The following COL6A6 variants were observed in gnomAD, a reference collection of about 807,000 sequenced individuals.
COL6A6 encodes the protein collagen type VI alpha 6 chain.
In COL6A6, 183 loss-of-function variants were observed where a neutral mutation model predicts 208.6. The ratio of observed to expected loss-of-function variants is 0.88; its 90% CI spans 0.78 to 0.99. COL6A6 has a LOEUF of 0.99. Ranked by LOEUF, COL6A6 falls within the 50% of genes least tolerant of loss-of-function variation. COL6A6 has a pLI of 0.00. For synonymous variants in COL6A6, 973 were observed against 1,011.8 expected (o/e 0.96, Z 0.73); for missense variants, 2,816 against 2,815.2 (o/e 1.00, Z -0.01).
rs769993561 is a variant in COL6A6, at chr3:130,565,035, G to A, written c.703G>A (p.Asp235Asn). The change falls in exon 4 of 37, where the codon GAT becomes AAT. Residue 235 changes from aspartate to asparagine, a missense_variant. Coordinates refer to ENST00000358511, the MANE Select transcript of COL6A6 (RefSeq NM_001102608.3). ...TATGGCCGATGTTGTGTTCCTATTGGATATGTCAATCAATGGAAGTGAGGA... is the reference window on the plus strand; with the variant it reads ...TATGGCCGATGTTGTGTTCCTATTGAATATGTCAATCAATGGAAGTGAGGA... ...PSMADVVFLLDMSINGSEENF... is the reference protein window; with the variant it reads ...PSMADVVFLLNMSINGSEENF... The A allele has an allele frequency of 1.2e-5, 19 of 1,613,852 alleles. No homozygotes were observed. The Middle Eastern group carries it at 4.9e-4, about 42-fold the overall frequency.
chr3:130,538,525 A>C lies in COL6A6; in HGVS notation c.-32+21128A>C, dbSNP rs201352190. On this transcript the variant is annotated intron_variant, in intron 1 of 36. Coordinates refer to ENST00000358511, the MANE Select transcript of COL6A6 (RefSeq NM_001102608.3). ...AGATACTGTGCCAACTCGTTTACAC[A>C]CATCAGTTCATTTAACCCCCAAAAC... Among the ~76,000 whole-genome samples, 9 of 152,248 alleles carry C rather than the reference A, an allele frequency of 5.9e-5. No homozygotes were observed. The East Asian group carries it at 1.7e-3, about 29-fold the overall frequency.
chr3:130,612,247 C>T (rs1483227310), intron 23 of COL6A6, among the ~76,000 whole-genome samples: 3 of 152,132 alleles, frequency 2.0e-5, no homozygotes, highest in African/African-American at 7.2e-5. Context: ...TGAATGTACA[C>T]ATGCATGTGT....
intron 32 of COL6A6, 93 bp from the exon 33 acceptor site, chr3:130,648,976 T>C: frequency 9.6e-7 from 1 of 1,046,428 alleles, no homozygotes; most frequent in East Asian, 2.7e-5. Flanking sequence ...TTTAAGTATT[T>C]GAATGCTTAA....
In COL6A6 at chr3:130,619,377, G is replaced by A. The variant is rs564395917; in HGVS notation, c.4816-2444G>A. On this transcript the variant is annotated intron_variant, in intron 23 of 36. Transcript: ENST00000358511. ...GACCAGCTGAGGGAAAAATTTGCAT[G>A]AGTGTGGAGACGTAAGACAAACATT... Among the ~76,000 whole-genome samples, 12 of 152,302 alleles carry A rather than the reference G, an allele frequency of 7.9e-5. 1 individual carries two copies. The highest frequency in any genetic ancestry group is 7.2e-4 in the Admixed American group (11 of 15,292).
Position 130,517,235 on chromosome 3 carries a change from C to T in COL6A6, c.-194C>T, listed in dbSNP as rs538199912. Among the ~76,000 whole-genome samples the T allele has an allele frequency of 2.6e-5, 4 of 152,326 alleles. No homozygotes were observed. Among genetic ancestry groups the T allele is most frequent in the Admixed American group, 1.3e-4 (2 of 15,312 alleles). Reference sequence around the variant, plus strand: ...GAGGCTGCCCACGCCGCTGCCTGTCCGTTCCACGGTTCCGAGGTCTCCACC... The same window carrying T: ...GAGGCTGCCCACGCCGCTGCCTGTCTGTTCCACGGTTCCGAGGTCTCCACC... On this transcript the variant is annotated 5_prime_UTR_variant, in exon 1 of 37. Coordinates refer to ENST00000358511, the MANE Select transcript of COL6A6 (RefSeq NM_001102608.3).
chr3:130,656,961 A>C (rs745580020), intron 33 of COL6A6, among the ~76,000 whole-genome samples: 53 of 152,340 alleles, frequency 3.5e-4, no homozygotes, highest in Non-Finnish European at 6.8e-4. Context: ...AGGCATTTCG[A>C]GCTGGTAGGG....
At position 130,568,104 on chromosome 3, in the gene COL6A6, G is replaced by T. The variant is rs748449745; in HGVS notation, c.1901G>T (p.Gly634Val). ...CTGGTGGACAGTTCTGGAAGTATAG[G>T]ACCTGAAAACTTCAGCAAAATGAAA... is the stretch of plus-strand genomic sequence containing the variant. ...MFLVDSSGSI[G>V]PENFSKMKTF... The change falls in exon 6 of 37, where the codon GGA (glycine) becomes GTA (valine). Residue 634 changes from glycine (G) to valine (V), a missense_variant. Coordinates refer to ENST00000358511, the MANE Select transcript of COL6A6 (RefSeq NM_001102608.3). The T allele has an allele frequency of 2.5e-6, 4 of 1,613,848 alleles. No individual in the cohort carries two copies. In the African/African-American group the frequency reaches 5.3e-5, roughly 22 times the overall value.
At chr3:130,657,632 G>C (rs2065829572) in intron 33 of COL6A6, among the ~76,000 whole-genome samples, 1 of 152,216 alleles carries the variant, frequency 6.6e-6, no homozygotes, top group Non-Finnish European at 1.5e-5. Flanking sequence ...TACGTACTAA[G>C]TTAGGTTGCA....
intron 10 of COL6A6, among the ~76,000 whole-genome samples, chr3:130,584,057 T>C (rs1413133760): frequency 2.6e-5 from 4 of 152,178 alleles, no homozygotes; most frequent in Non-Finnish European, 5.9e-5. Context: ...TAGAATTGAA[T>C]ACCCTAGAAT....
At chr3:130,621,544 T>A (rs1388944266) in intron 23 of COL6A6, among the ~76,000 whole-genome samples, 1 of 152,216 alleles carries the variant, frequency 6.6e-6, no homozygotes, top group East Asian at 1.9e-4. Flanking sequence ...TTTAACAACA[T>A]CTGTTCTTAG....
chr3:130,609,644 C>CT (rs566500425), intron 22 of COL6A6, among the ~76,000 whole-genome samples: 19 of 150,438 alleles, frequency 1.3e-4, no homozygotes, highest in South Asian at 1.1e-3. Context: ...AAAGTTAGAA[C>CT]TTTTTTTTTT....
intron 1 of COL6A6, among the ~76,000 whole-genome samples, chr3:130,538,963 T>G (rs1362189564): frequency 6.6e-6 from 1 of 152,198 alleles, no homozygotes; most frequent in Non-Finnish European, 1.5e-5. Context: ...AATAGTAAGT[T>G]AAATTATTAC....
Position 130,592,593 on chromosome 3 carries a change from A to G in COL6A6, c.4325A>G (p.Tyr1442Cys), listed in dbSNP as rs1274453054. Residue 1442 changes from tyrosine (Y) to cysteine (C), a missense_variant, in exon 14 of 37, where the codon TAT becomes TGT. Tyr to Cys is a radical substitution (Grantham distance 194). Coordinates refer to ENST00000358511, the MANE Select transcript of COL6A6 (RefSeq NM_001102608.3). ...GGAGAGCAAGGTACTAAGGGATGCT[A>G]TGGCACCAAAGGTCCTAAGGTAAGG... The part of the protein sequence containing the change: ...PVGEQGTKGC[Y>C]GTKGPKGNRG... 2.5e-6 allele frequency: 4 copies of G among 1,613,358 alleles called. No homozygotes were observed. The highest frequency in any genetic ancestry group is 1.1e-5 in the South Asian group (1 of 91,010).
At chr3:130,604,149 C>T (rs2064108594) in intron 20 of COL6A6, among the ~76,000 whole-genome samples, 1 of 152,192 alleles carries the variant, frequency 6.6e-6, no homozygotes, top group Non-Finnish European at 1.5e-5. Context: ...TTTTCTGTCT[C>T]TCACAGCAAC....
intron 1 of COL6A6, among the ~76,000 whole-genome samples, chr3:130,538,276 T>G (rs999247340): frequency 6.6e-6 from 1 of 152,122 alleles, no homozygotes; most frequent in Non-Finnish European, 1.5e-5. Flanking sequence ...TGAAAAGACT[T>G]GGAAATCTGC....
intron 24 of COL6A6, among the ~76,000 whole-genome samples, chr3:130,623,654 T>C (rs1456144455): frequency 6.6e-6 from 1 of 152,078 alleles, no homozygotes; most frequent in Non-Finnish European, 1.5e-5. Flanking sequence ...GCTTCGTGTA[T>C]GAGGGGTAAC....
At chr3:130,556,767 T>C (rs972387428) in intron 1 of COL6A6, among the ~76,000 whole-genome samples, 1 of 152,174 alleles carries the variant, frequency 6.6e-6, no homozygotes, top group African/African-American at 2.4e-5. Flanking sequence ...CTGAAGTTCA[T>C]GTAGATGGGT....
chr3:130,564,532 T>G (rs1304800123), intron 3 of COL6A6, among the ~76,000 whole-genome samples: 1 of 152,210 alleles, frequency 6.6e-6, no homozygotes, highest in Non-Finnish European at 1.5e-5. Context: ...GGGTCATCTG[T>G]GAAACTATGA....
chr3:130,644,102 G>T (rs145973738), intron 31 of COL6A6, among the ~76,000 whole-genome samples: 291 of 152,300 alleles, frequency 1.9e-3, no homozygotes, highest in African/African-American at 6.6e-3. Flanking sequence ...CTAAAAGTGG[G>T]TGCAAAGGTA....
Sources: gnomAD v4.1 joint callset for allele counts (sites outside exome capture counted in the v4.1 genomes callset) on GRCh38, gnomAD v4.1.1 for gene constraint, MANE v1.5 for transcripts, NCBI Gene and HGNC (gene_info 2026-07-23, HGNC 2026-07-21) for gene names.